The following METAP1D variants were observed in gnomAD, a reference collection of about 807,000 sequenced individuals.
METAP1D encodes methionine aminopeptidase 1D, mitochondrial.
In METAP1D, 31 loss-of-function variants were observed where a neutral mutation model predicts 40.5. The ratio of observed to expected loss-of-function variants is 0.77; its 90% confidence interval spans 0.58 to 1.03. The LOEUF (loss-of-function observed/expected upper bound fraction) is 1.03. Ranked by LOEUF, METAP1D falls within the 50% of genes least tolerant of loss-of-function variation. The pLI, the probability that METAP1D is intolerant of heterozygous loss-of-function variation, is 0.00. For missense variants in METAP1D, 411 were observed against 420.7 expected (o/e 0.98, Z 0.20); for synonymous variants, 151 against 146.4 (o/e 1.03, Z -0.22).
At position 172,066,270 on chromosome 2, in the gene METAP1D, T is replaced by C; in HGVS notation, c.504T>C (p.Pro168=). Residue 168 remains proline (P), a synonymous_variant, in exon 5 of 10, where the codon CCT becomes CCC. Transcript: ENST00000315796. ...VLCHGIPDSR[P]LQDGDIINID... Reference sequence around the variant, plus strand: ...TTTTCTGTTTACGTTTTAGTCGACCTCTTCAGGATGGAGATATTATCAACA... The same window carrying C: ...TTTTCTGTTTACGTTTTAGTCGACCCCTTCAGGATGGAGATATTATCAACA... 6.2e-7 allele frequency: 1 copy of C among 1,611,566 alleles called. No homozygotes were observed. Among genetic ancestry groups the C allele is most frequent in the Non-Finnish European group, 8.5e-7 (1 of 1,179,220 alleles).
chr2:172,080,180 G>A lies in METAP1D; in HGVS notation c.903G>A (p.Trp301Ter). ...SPEFKVLEDA[W>*]TVVSLDNQRS... Reference sequence around the variant, plus strand: ...AATTTAAAGTCCTGGAGGATGCATGGACTGTGGTCTCCCTAGACAATCAAA... The same window carrying A: ...AATTTAAAGTCCTGGAGGATGCATGAACTGTGGTCTCCCTAGACAATCAAA... The change falls in exon 9 of 10, where the codon TGG becomes TGA. Residue 301 changes from tryptophan to a stop codon, truncating the protein, a stop_gained. Transcript: ENST00000315796. LOFTEE classifies it high-confidence loss of function. 6.2e-7 allele frequency: 1 copy of A among 1,614,230 alleles called. No homozygotes were observed. The highest frequency in any genetic ancestry group is 1.1e-5 in the South Asian group (1 of 91,086).
At chr2:172,051,300 A>AT (rs914795058) in intron 1 of METAP1D, among the ~76,000 whole-genome samples, 6 of 152,242 alleles carry the variant, frequency 3.9e-5, no homozygotes, top group African/African-American at 1.4e-4. Flanking sequence ...AGCCTATATT[A>AT]TTAAGTAGGA....
chr2:172,017,722 T>C (rs1303131935), intron 1 of METAP1D, among the ~76,000 whole-genome samples: 2 of 152,128 alleles, frequency 1.3e-5, no homozygotes, highest in Non-Finnish European at 2.9e-5. Context: ...CCCTTCAAGC[T>C]GTCATCATAT....
At chr2:172,034,564 A>G (rs1303624009) in intron 1 of METAP1D, among the ~76,000 whole-genome samples, 1 of 152,204 alleles carries the variant, frequency 6.6e-6, no homozygotes, top group Non-Finnish European at 1.5e-5. Context: ...AAATATATCA[A>G]CTGTTTTATT....
At chr2:172,047,843 C>T in intron 1 of METAP1D, among the ~76,000 whole-genome samples, 1 of 152,158 alleles carries the variant, frequency 6.6e-6, no homozygotes. Context: ...TTTCTCCCAT[C>T]CCACCCTTTG....
intron 1 of METAP1D, among the ~76,000 whole-genome samples, chr2:172,020,238 G>A (rs1366510269): frequency 6.6e-6 from 1 of 152,188 alleles, no homozygotes. Context: ...ACCCGCCTCA[G>A]CCTCCCAAAG....
intron 1 of METAP1D, among the ~76,000 whole-genome samples, chr2:172,017,447 A>G (rs1688901141): frequency 6.6e-6 from 1 of 151,530 alleles, no homozygotes; most frequent in Non-Finnish European, 1.5e-5. Flanking sequence ...ATACATATAT[A>G]TAAAAGGTGG....
chr2:172,011,506 G>C (rs920946452), intron 1 of METAP1D, among the ~76,000 whole-genome samples: 2 of 151,608 alleles, frequency 1.3e-5, no homozygotes, highest in Admixed American at 6.6e-5. Context: ...GGCTGGTCTC[G>C]ATCTCCTGAC....
chr2:172,010,357 G>T (rs533948911), intron 1 of METAP1D, among the ~76,000 whole-genome samples: 23 of 150,650 alleles, frequency 1.5e-4, no homozygotes, highest in Admixed American at 3.3e-4. Context: ...GCCCAGGCTG[G>T]CTTTGAACTC....
chr2:172,061,735 C>G, intron 2 of METAP1D, 80 bp downstream of exon 2: 2 of 1,265,604 alleles, frequency 1.6e-6, no homozygotes, highest in Non-Finnish European at 1.1e-6. Context: ...ATTTTTGCAC[C>G]TTTGATTTCT....
Position 172,079,329 on chromosome 2 carries a change from C to T in METAP1D, c.850+67C>T, listed in dbSNP as rs1349151194. The T allele has an allele frequency of 6.1e-6, 9 of 1,476,304 alleles. No individual in the cohort carries two copies. In the Admixed American group the frequency reaches 8.4e-5, roughly 14 times the overall value. The allele number at this position is 1,476,304 out of a possible 1,614,324, so 91.5% of individuals were successfully genotyped here. On this transcript the variant is annotated intron_variant, in intron 8 of 9. Transcript: ENST00000315796. ...TGGAAGCTTTTGCCACTGGCCTAGGCCCGGCAGTCCGGTGAAGGACCAATA... is the reference window on the plus strand; with the variant it reads ...TGGAAGCTTTTGCCACTGGCCTAGGTCCGGCAGTCCGGTGAAGGACCAATA...
intron 7 of METAP1D, 26 bp downstream of exon 7, chr2:172,077,920 T>A: frequency 7.5e-7 from 1 of 1,342,158 alleles, no homozygotes; most frequent in Non-Finnish European, 1.1e-6. Context: ...TGGAGGCTGT[T>A]TCTTGATCAG....
intron 1 of METAP1D, among the ~76,000 whole-genome samples, chr2:172,023,563 A>G (rs915923464): frequency 7.9e-5 from 12 of 152,226 alleles, no homozygotes; most frequent in African/African-American, 2.9e-4. Flanking sequence ...TTACACCAGT[A>G]CATGCATTCG....
chr2:172,026,556 A>T (rs1237901839), intron 1 of METAP1D, among the ~76,000 whole-genome samples: 1 of 152,164 alleles, frequency 6.6e-6, no homozygotes, highest in Admixed American at 6.6e-5. Flanking sequence ...TCTAAGTTAG[A>T]CTTCTAGAGC....
intron 1 of METAP1D, among the ~76,000 whole-genome samples, chr2:172,036,222 C>T (rs190246266): frequency 0.96 from 142,024 of 147,296 alleles, 68,644 homozygotes; most frequent in Non-Finnish European, 0.99. Context: ...GAGGCTGAGG[C>T]AGGAGAATGG....
chr2:172,077,709 G>T lies in METAP1D; in HGVS notation c.705-88G>T. The T allele has an allele frequency of 3.3e-6, 2 of 601,146 alleles. No individual in the cohort carries two copies. The highest frequency in any genetic ancestry group is 2.9e-6 in the Non-Finnish European group (1 of 344,040). 37.2% of individuals were successfully genotyped at this position (601,146 alleles called of 1,614,324 possible). ...AATATTACTGACTTTTTCTTTTTCAGAGAATATTTTAAAGTGACTTTGTTT... is the reference window on the plus strand; with the variant it reads ...AATATTACTGACTTTTTCTTTTTCATAGAATATTTTAAAGTGACTTTGTTT... On this transcript the variant is annotated intron_variant, in intron 6 of 9. Transcript: ENST00000315796.
chr2:172,035,008 T>C (rs1689337809), intron 1 of METAP1D, among the ~76,000 whole-genome samples: 1 of 151,936 alleles, frequency 6.6e-6, no homozygotes, highest in African/African-American at 2.4e-5. Flanking sequence ...TTTGTTGTTT[T>C]ATTTTCTAAT....
chr2:172,003,221 G>T (rs1688503741), intron 1 of METAP1D, among the ~76,000 whole-genome samples: 1 of 152,122 alleles, frequency 6.6e-6, no homozygotes, highest in Admixed American at 6.5e-5. Context: ...AAGGTAACAA[G>T]GGCCTTTAAG....
intron 1 of METAP1D, among the ~76,000 whole-genome samples, chr2:172,026,641 T>C (rs892235379): frequency 1.3e-5 from 2 of 152,246 alleles, no homozygotes; most frequent in Admixed American, 6.5e-5. Context: ...AAAGGCTTTC[T>C]TGCTCTCATA....
Sources: gnomAD v4.1 joint callset for allele counts (sites outside exome capture counted in the v4.1 genomes callset) on GRCh38, gnomAD v4.1.1 for gene constraint, MANE v1.5 for transcripts, NCBI Gene and HGNC (gene_info 2026-07-23, HGNC 2026-07-21) for gene names.